KCNAB1: variants seen among roughly 807,000 people sequenced by gnomAD.
The protein encoded by KCNAB1 is voltage-gated potassium channel subunit beta-1.
Under a neutral mutation model 64.6 loss-of-function variants are expected in KCNAB1, and 35 were observed. That is an observed-to-expected ratio of 0.54 (90% CI 0.41 to 0.72). The LOEUF (loss-of-function observed/expected upper bound fraction) is 0.72, where lower values mean the gene tolerates loss of function less well. Ranked by LOEUF, KCNAB1 falls within the 30% of genes least tolerant of loss-of-function variation. The probability of loss-of-function intolerance (pLI) is 0.00; values close to 1 mark genes in which losing one functional copy is unlikely to be tolerated. For missense variants in KCNAB1, 401 were observed against 512.9 expected (o/e 0.78, Z 2.11); for synonymous variants, 177 against 183.8 (o/e 0.96, Z 0.30).
chr3:156,488,390 G>T (rs1404980105), intron 8 of KCNAB1, among the ~76,000 whole-genome samples: 1 of 151,998 alleles, frequency 6.6e-6, no homozygotes, highest in Non-Finnish European at 1.5e-5. Context: ...TTTGAGCAAG[G>T]ACTTGAAGAA....
intron 2 of KCNAB1, among the ~76,000 whole-genome samples, chr3:156,448,220 GT>G (rs1462463969): frequency 3.9e-5 from 6 of 152,186 alleles, no homozygotes; most frequent in Non-Finnish European, 7.4e-5. Context: ...ACAATTGTCA[GT>G]TTAGTAAAAT....
chr3:156,365,728 A>G (rs1725904868), intron 1 of KCNAB1, among the ~76,000 whole-genome samples: 1 of 152,128 alleles, frequency 6.6e-6, no homozygotes, highest in Non-Finnish European at 1.5e-5. Context: ...TTTGCTTGCT[A>G]TTGCTCATTA....
chr3:156,216,213 T>C (rs1487054114), intron 1 of KCNAB1, among the ~76,000 whole-genome samples: 1 of 152,230 alleles, frequency 6.6e-6, no homozygotes, highest in Non-Finnish European at 1.5e-5. Flanking sequence ...ATGGTAACCT[T>C]AGCTACTTCA....
intron 1 of KCNAB1, among the ~76,000 whole-genome samples, chr3:156,314,064 C>A (rs1283851639): frequency 6.6e-6 from 1 of 152,228 alleles, no homozygotes; most frequent in East Asian, 1.9e-4. Context: ...TACTAGGTAT[C>A]TGGCATATAA....
chr3:156,505,944 C>A (rs931938311), intron 8 of KCNAB1, among the ~76,000 whole-genome samples: 1 of 152,158 alleles, frequency 6.6e-6, no homozygotes, highest in South Asian at 2.1e-4. Context: ...TGATGCCAAA[C>A]CATTCATGAG....
chr3:156,347,491 G>A (rs1263091496), intron 1 of KCNAB1, among the ~76,000 whole-genome samples: 2 of 152,220 alleles, frequency 1.3e-5, no homozygotes, highest in East Asian at 3.8e-4. Flanking sequence ...ATTGGAAGGA[G>A]CTAGAGAATC....
chr3:156,290,809 A>G (rs1055863930), intron 1 of KCNAB1, among the ~76,000 whole-genome samples: 2 of 152,226 alleles, frequency 1.3e-5, no homozygotes, highest in Admixed American at 6.5e-5. Context: ...GGTAGCCAGA[A>G]TAAATTTTGC....
intron 2 of KCNAB1, among the ~76,000 whole-genome samples, chr3:156,429,635 C>T (rs1463529239): frequency 1.3e-5 from 2 of 152,206 alleles, no homozygotes; most frequent in African/African-American, 4.8e-5. Context: ...GAGAACACGA[C>T]ATTAAATATT....
chr3:156,199,815 T>C (rs2108376034), intron 1 of KCNAB1, among the ~76,000 whole-genome samples: 1 of 152,354 alleles, frequency 6.6e-6, no homozygotes, highest in East Asian at 1.9e-4. Context: ...GAAGCCTGCT[T>C]CTGTCAATTC....
intron 1 of KCNAB1, among the ~76,000 whole-genome samples, chr3:156,324,810 G>T (rs1006696548): frequency 5.4e-4 from 82 of 152,240 alleles, no homozygotes; most frequent in African/African-American, 1.9e-3. Flanking sequence ...GGTAGTCCCT[G>T]CCCTAAGAGG....
intron 1 of KCNAB1, among the ~76,000 whole-genome samples, chr3:156,134,599 A>G (rs553868352): frequency 1.3e-5 from 2 of 152,358 alleles, no homozygotes; most frequent in Non-Finnish European, 2.9e-5. Flanking sequence ...TTGTTACTCT[A>G]TTTGAACTAA....
chr3:156,403,892 T>TAAAAAAAAAAAAA (rs200824639), intron 1 of KCNAB1, among the ~76,000 whole-genome samples: 8 of 136,868 alleles, frequency 5.8e-5, no homozygotes, highest in South Asian at 2.4e-4. Flanking sequence ...AGACTCTGCC[T>TAAAAAAAAAAAAA]AAAAAAAAAA....
chr3:156,526,686 T>C (rs1334691527), intron 12 of KCNAB1, among the ~76,000 whole-genome samples: 4 of 152,210 alleles, frequency 2.6e-5, no homozygotes, highest in Non-Finnish European at 5.9e-5. Flanking sequence ...ACTCTCACTG[T>C]CTTGTCTCCT....
chr3:156,143,509 A>G, intron 1 of KCNAB1: 1 of 879,558 alleles, frequency 1.1e-6, no homozygotes, highest in East Asian at 2.9e-5. Flanking sequence ...ATAGCAAGAC[A>G]AAACCCTGTA....
intron 1 of KCNAB1, among the ~76,000 whole-genome samples, chr3:156,293,878 G>C (rs1399030498): frequency 1.3e-5 from 2 of 152,256 alleles, no homozygotes; most frequent in African/African-American, 4.8e-5. Flanking sequence ...CTGAGATGGA[G>C]ATGAGCAGCT....
chr3:156,474,809 C>T lies in KCNAB1; in HGVS notation c.647C>T (p.Thr216Ile). ...VVFANRPDSN[T>I]PMEEIVRAMT... The stretch of plus-strand genomic sequence containing the variant: ...TTTGCAAATCGACCGGACAGTAACA[C>T]TCCCATGGAAGGTAAGTTAAGAAAG... Residue 216 changes from threonine to isoleucine, a missense_variant, in exon 8 of 14, where the codon ACT (threonine) becomes ATT (isoleucine). Transcript: ENST00000490337. The T allele has an allele frequency of 6.2e-7, 1 of 1,612,116 alleles. No individual in the cohort carries two copies. Among genetic ancestry groups the T allele is most frequent in the Non-Finnish European group, 8.5e-7 (1 of 1,178,402 alleles).
chr3:156,536,292 G>A (rs574313735), intron 13 of KCNAB1, among the ~76,000 whole-genome samples: 6 of 152,344 alleles, frequency 3.9e-5, no homozygotes, highest in African/African-American at 1.4e-4. Flanking sequence ...TTGATTACAT[G>A]TTGAAATAAT....
intron 1 of KCNAB1, among the ~76,000 whole-genome samples, chr3:156,408,793 A>T (rs1421788588): frequency 6.6e-6 from 1 of 152,054 alleles, no homozygotes; most frequent in East Asian, 1.9e-4. Flanking sequence ...AAAAAAAAAA[A>T]TAAAATAAAA....
At chr3:156,276,776 C>T (rs1028515746) in intron 1 of KCNAB1, among the ~76,000 whole-genome samples, 13 of 152,120 alleles carry the variant, frequency 8.5e-5, no homozygotes, top group African/African-American at 2.4e-4. Flanking sequence ...CTGGATTGTG[C>T]TTTTTATTAA....
Sources: allele counts gnomAD v4.1 joint callset (sites outside exome capture counted in the v4.1 genomes callset), GRCh38; gene constraint gnomAD v4.1.1; transcripts MANE v1.5; gene names NCBI Gene and HGNC (gene_info 2026-07-23, HGNC 2026-07-21).